Variants in TBX21 observed in about 807,000 individuals in gnomAD.
The protein encoded by TBX21 is T-box transcription factor 21, also known as T-box transcription factor TBX21.
TBX21 carries 11 observed loss-of-function variants against 52.2 expected under a neutral mutation model. That is an observed-to-expected ratio of 0.21 (90% CI 0.13 to 0.35). The LOEUF is 0.35. Ranked by LOEUF, TBX21 falls within the 10% of genes least tolerant of loss-of-function variation. The pLI is 1.00. For missense variants in TBX21, 625 were observed against 755.1 expected (o/e 0.83, Z 2.02); for synonymous variants, 300 against 316.1 (o/e 0.95, Z 0.54).
rs753629710 is a variant in TBX21, at chr17:47,744,811, G to A, written c.1053G>A (p.Gly351=). The A allele has an allele frequency of 2.2e-5, 36 of 1,614,006 alleles. No homozygotes were observed. The highest frequency in any genetic ancestry group is 2.7e-5 in the Non-Finnish European group (32 of 1,180,010). The stretch of plus-strand genomic sequence containing the variant: ...CTGGACCCAACTGTCAATTCCTTGG[G>A]GGAGATCACTACTCTCCTCTCCTAC... ...SPPGPNCQFL[G]GDHYSPLLPN... The change falls in exon 6 of 6, where the codon GGG becomes GGA. Residue 351 remains glycine, a synonymous_variant. Coordinates refer to ENST00000177694, the MANE Select transcript of TBX21 (RefSeq NM_013351.2).
intron 1 of TBX21, among the ~76,000 whole-genome samples, chr17:47,737,609 T>G (rs991558010): frequency 6.6e-6 from 1 of 152,152 alleles, no homozygotes; most frequent in Non-Finnish European, 1.5e-5. Context: ...ATAGATAACT[T>G]TAGTCGATAA....
In TBX21 at chr17:47,745,241, G is replaced by A; in HGVS notation, c.1483G>A (p.Gly495Arg). ...PESSDSGLGE[G>R]DSKRRRVSPY... ...ATCCAGTGATTCAGGACTGGGCGAA[G>A]GAGACTCTAAGAGGAGGCGCGTGTC... The change falls in exon 6 of 6, where the codon GGA becomes AGA. Residue 495 changes from glycine to arginine, a missense_variant. By Grantham distance (125) the Gly-to-Arg change is moderately radical. Coordinates refer to ENST00000177694, the MANE Select transcript of TBX21 (RefSeq NM_013351.2). 3 of 1,614,256 alleles carry A rather than the reference G, an allele frequency of 1.9e-6. No homozygotes were observed. Among genetic ancestry groups the A allele is most frequent in the Non-Finnish European group, 2.5e-6 (3 of 1,180,044 alleles).
chr17:47,745,170 A>G lies in TBX21; in HGVS notation c.1412A>G (p.Gln471Arg). Reference sequence around the variant, plus strand: ...TCAGAGGGACGGGGACCAGAGGACCAGGGTCCCCCCTTGGTGTGGACTGAG... The same window carrying G: ...TCAGAGGGACGGGGACCAGAGGACCGGGGTCCCCCCTTGGTGTGGACTGAG... Reference protein sequence around the residue: ...GGSEGRGPEDQGPPLVWTEIA... With the variant: ...GGSEGRGPEDRGPPLVWTEIA... The change falls in exon 6 of 6, where the codon CAG becomes CGG. Residue 471 changes from glutamine (Q) to arginine (R), a missense_variant. Transcript: ENST00000177694. The G allele has an allele frequency of 6.2e-7, 1 of 1,614,206 alleles. No individual in the cohort carries two copies. Among genetic ancestry groups the G allele is most frequent in the Non-Finnish European group, 8.5e-7 (1 of 1,180,010 alleles).
intron 3 of TBX21, 38 bp downstream of exon 3, chr17:47,743,230 C>T (rs1253732398): frequency 1.2e-6 from 2 of 1,609,556 alleles, no homozygotes; most frequent in Admixed American, 1.7e-5. Context: ...TCGCCCTGCT[C>T]CCCACCCTGG....
In TBX21 at chr17:47,742,697, C is replaced by T. The variant is rs1338685930; in HGVS notation, c.579C>T (p.Asp193=). 3.1e-6 allele frequency: 5 copies of T among 1,596,670 alleles called. No homozygotes were observed. Among genetic ancestry groups the T allele is most frequent in the East Asian group, 2.3e-5 (1 of 44,352 alleles). ...YRMFVDVVLV[D]QHHWRYQSGK... ...TGTTTGTGGACGTGGTCTTGGTGGA[C>T]CAGCACCACTGGCGGTACCAGAGCG... Residue 193 remains aspartate, a synonymous_variant, in exon 2 of 6, where the codon GAC becomes GAT. Transcript: ENST00000177694. This position sits in a 1 kb window ranked among gnomAD's most constrained non-coding sequence, Gnocchi z 4.4.
chr17:47,744,443 G>T, intron 4 of TBX21, 39 bp from the exon 5 acceptor site: 3 of 1,614,128 alleles, frequency 1.9e-6, no homozygotes, highest in Non-Finnish European at 2.5e-6. Flanking sequence ...CCGAGCCCCA[G>T]ACTCAGGACT....
chr17:47,736,719 G>C (rs552174067), intron 1 of TBX21, among the ~76,000 whole-genome samples: 1 of 152,174 alleles, frequency 6.6e-6, no homozygotes, highest in South Asian at 2.1e-4. Flanking sequence ...GGAAATCAGT[G>C]GCCATTTCCT....
chr17:47,735,261 G>A (rs925456214), intron 1 of TBX21, among the ~76,000 whole-genome samples: 1 of 152,166 alleles, frequency 6.6e-6, no homozygotes, highest in Non-Finnish European at 1.5e-5. Flanking sequence ...GGTAGCCTGG[G>A]ACTGGGGAAC....
Position 47,745,023 on chromosome 17 carries a change from G to A in TBX21, c.1265G>A (p.Gly422Asp), listed in dbSNP as rs1252968709. 6.2e-7 allele frequency: 1 copy of A among 1,612,590 alleles called. No individual in the cohort carries two copies. Among genetic ancestry groups the A allele is most frequent in the Admixed American group, 1.7e-5 (1 of 60,024 alleles). ...GGGCCCACCATGTCCTACTACCGAG[G>A]CCAGGAGGTCCTGGCACCTGGAGCT... ...APGPTMSYYRGQEVLAPGAGW... is the reference protein window; with the variant it reads ...APGPTMSYYRDQEVLAPGAGW... The change falls in exon 6 of 6, where the codon GGC (glycine) becomes GAC (aspartate). Residue 422 changes from glycine (G) to aspartate (D), a missense_variant. Around this residue, in one of 4 missense-constraint regions of TBX21, gnomAD observed 261 missense variants for 275.1 expected, o/e 0.95. Transcript: ENST00000177694.
In TBX21 at chr17:47,743,091, C is replaced by G; in HGVS notation, c.667C>G (p.Pro223Ala). The G allele has an allele frequency of 6.2e-7, 1 of 1,614,158 alleles. No homozygotes were observed. The highest frequency in any genetic ancestry group is 8.5e-7 in the Non-Finnish European group (1 of 1,180,020). Reference protein sequence around the residue: ...SMPGNRLYVHPDSPNTGAHWM... With the variant: ...SMPGNRLYVHADSPNTGAHWM... ...CACAGGAAACCGCCTGTACGTCCAC[C>G]CGGACTCCCCCAACACAGGAGCGCA... The change falls in exon 3 of 6, where the codon CCG becomes GCG. Residue 223 changes from proline to alanine, a missense_variant. By Grantham distance (27) the Pro-to-Ala change is conservative. This residue lies in a region of TBX21 where 142 missense variants were observed against 258.5 expected (regional missense o/e 0.55). Transcript: ENST00000177694.
At position 47,744,900 on chromosome 17, in the gene TBX21, T is replaced by A. The variant is rs1158197849; in HGVS notation, c.1142T>A (p.Val381Asp). Residue 381 changes from valine (V) to aspartate (D), a missense_variant, in exon 6 of 6, where the codon GTT becomes GAT. By Grantham distance (152) the Val-to-Asp change is radical (BLOSUM62 -3). This residue lies in a region of TBX21 where 261 missense variants were observed against 275.1 expected (regional missense o/e 0.95). Transcript: ENST00000177694. ...CTTCCTGGCCAGGCGAAGGATGTGG[T>A]TCCCCAGGCTTACTGGCTGGGGGCC... ...PDLPGQAKDV[V>D]PQAYWLGAPR... The A allele has an allele frequency of 6.2e-7, 1 of 1,614,090 alleles. No homozygotes were observed. Among genetic ancestry groups the A allele is most frequent in the African/African-American group, 1.3e-5 (1 of 74,942 alleles).
Position 47,744,764 on chromosome 17 carries a change from G to A in TBX21, c.1006G>A (p.Asp336Asn), listed in dbSNP as rs745822177. ...ENFESMYTSV[D>N]TSIPSPPGPN... ...TTTTTCTAGCATGTACACATCTGTT[G>A]ACACCAGCATCCCCTCCCCGCCTGG... Residue 336 changes from aspartate to asparagine, a missense_variant, in exon 6 of 6, where the codon GAC (aspartate) becomes AAC (asparagine). This residue lies in a region of TBX21 where 261 missense variants were observed against 275.1 expected (regional missense o/e 0.95). Coordinates refer to ENST00000177694, the MANE Select transcript of TBX21 (RefSeq NM_013351.2). 6.2e-7 allele frequency: 1 copy of A among 1,613,678 alleles called. No homozygotes were observed. The highest frequency in any genetic ancestry group is 1.3e-5 in the African/African-American group (1 of 75,018).
In TBX21 at chr17:47,733,699, A is replaced by G. The variant is rs2032168665; in HGVS notation, c.245A>G (p.Gln82Arg). ...GCCTACGCCTACCCGCCGCGACCCC[A>G]GGCGGCCGGCTTCCCCGGCGCGGGC... Reference protein sequence around the residue: ...LGAYAYPPRPQAAGFPGAGES... With the variant: ...LGAYAYPPRPRAAGFPGAGES... Residue 82 changes from glutamine (Q) to arginine (R), a missense_variant, in exon 1 of 6, where the codon CAG becomes CGG. Gln to Arg is a conservative substitution (Grantham distance 43, BLOSUM62 1). Coordinates refer to ENST00000177694, the MANE Select transcript of TBX21 (RefSeq NM_013351.2). This position sits in a 1 kb window ranked among gnomAD's most constrained non-coding sequence, Gnocchi z 6.6. The G allele has an allele frequency of 2.1e-6, 3 of 1,420,148 alleles. No individual in the cohort carries two copies. The highest frequency in any genetic ancestry group is 3.0e-5 in the South Asian group (2 of 66,342). The allele number at this position is 1,420,148 out of a possible 1,614,324, so 88.0% of individuals were successfully genotyped here.
chr17:47,733,735 C>G lies in TBX21; in HGVS notation c.281C>G (p.Pro94Arg). 1 of 1,440,150 alleles carries G rather than the reference C, an allele frequency of 6.9e-7. No homozygotes were observed. Among genetic ancestry groups the G allele is most frequent in the Non-Finnish European group, 9.1e-7 (1 of 1,100,772 alleles). 89.2% of individuals were successfully genotyped at this position (1,440,150 alleles called of 1,614,324 possible). The change falls in exon 1 of 6, where the codon CCG becomes CGG. Residue 94 changes from proline (P) to arginine (R), a missense_variant. By Grantham distance (103) the Pro-to-Arg change is moderately radical. This residue lies in a region of TBX21 where 221 missense variants were observed against 204.9 expected (regional missense o/e 1.08). Coordinates refer to ENST00000177694, the MANE Select transcript of TBX21 (RefSeq NM_013351.2). The surrounding 1 kb of genome is among the most constrained non-coding windows in gnomAD (Gnocchi z 6.6). ...AGFPGAGESF[P>R]PPADAEGYQP... ...TTCCCCGGCGCGGGCGAGTCCTTCCCGCCGCCCGCGGACGCCGAGGGCTAC... is the reference window on the plus strand; with the variant it reads ...TTCCCCGGCGCGGGCGAGTCCTTCCGGCCGCCCGCGGACGCCGAGGGCTAC...
In TBX21 at chr17:47,745,067, C is replaced by A; in HGVS notation, c.1309C>A (p.Gln437Lys). The A allele has an allele frequency of 6.2e-7, 1 of 1,613,290 alleles. No individual in the cohort carries two copies. The highest frequency in any genetic ancestry group is 8.5e-7 in the Non-Finnish European group (1 of 1,180,020). The stretch of plus-strand genomic sequence containing the variant: ...TGGAGCTGGCTGGCCTGTGGCACCC[C>A]AGTACCCTCCCAAGATGGGCCCGGC... ...APGAGWPVAP[Q>K]YPPKMGPASW... The change falls in exon 6 of 6, where the codon CAG becomes AAG. Residue 437 changes from glutamine (Q) to lysine (K), a missense_variant. Physicochemically the swap from Gln to Lys is moderately conservative, Grantham distance 53. This residue lies in a region of TBX21 where 261 missense variants were observed against 275.1 expected (regional missense o/e 0.95). Transcript: ENST00000177694.
rs760639336 is a variant in TBX21, at chr17:47,745,439, T to G, written c.*73T>G. On this transcript the variant is annotated 3_prime_UTR_variant, in exon 6 of 6. Transcript: ENST00000177694. ...GACACCGACTAATTTGGGAAACGGA[T>G]GAAGGACTGAGAAGGCCCCCGCTCC... The G allele has an allele frequency of 3.4e-5, 51 of 1,515,668 alleles. No homozygotes were observed. The highest frequency in any genetic ancestry group is 4.0e-5 in the Non-Finnish European group (45 of 1,137,092). The allele number at this position is 1,515,668 out of a possible 1,614,324, so 93.9% of individuals were successfully genotyped here.
At chr17:47,739,554 T>G (rs1009858030) in intron 1 of TBX21, among the ~76,000 whole-genome samples, 3 of 151,786 alleles carry the variant, frequency 2.0e-5, no homozygotes, top group Admixed American at 2.0e-4. Flanking sequence ...AGGTCAGGAG[T>G]TCGAGACCAG....
chr17:47,742,867 C>A lies in TBX21; in HGVS notation c.646+103C>A, dbSNP rs1597985374. 1.6e-5 allele frequency: 24 copies of A among 1,467,216 alleles called. No individual in the cohort carries two copies. The East Asian group carries it at 5.9e-4, about 36-fold the overall frequency. The allele number at this position is 1,467,216 out of a possible 1,614,324, so 90.9% of individuals were successfully genotyped here. On this transcript the variant is annotated intron_variant, in intron 2 of 5. Coordinates refer to ENST00000177694, the MANE Select transcript of TBX21 (RefSeq NM_013351.2). This position sits in a 1 kb window ranked among gnomAD's most constrained non-coding sequence, Gnocchi z 4.4. ...CCCTAATTCCTAGACCTTTAACCCCCTCCCACTCCATCCCACGCCATTGCA... is the reference window on the plus strand; with the variant it reads ...CCCTAATTCCTAGACCTTTAACCCCATCCCACTCCATCCCACGCCATTGCA...
intron 1 of TBX21, among the ~76,000 whole-genome samples, chr17:47,737,842 T>G (rs1245872028): frequency 1.3e-5 from 2 of 152,052 alleles, no homozygotes; most frequent in Admixed American, 1.3e-4. Flanking sequence ...GCCAGGCTGG[T>G]CCCAAACACC....
Sources: gnomAD v4.1 joint callset for allele counts (sites outside exome capture counted in the v4.1 genomes callset) on GRCh38, gnomAD v4.1.1 for gene constraint, gnomAD v4.1.1 regional missense constraint, Gnocchi (gnomAD v3.1) non-coding constraint, MANE v1.5 for transcripts, NCBI Gene and HGNC (gene_info 2026-07-23, HGNC 2026-07-21) for gene names.